NHS: variants seen among roughly 807,000 people sequenced by gnomAD.
The protein encoded by NHS is actin remodeling regulator NHS.
A neutral mutation model predicts 72.5 loss-of-function variants in NHS; 5 were observed. The ratio of observed to expected loss-of-function variants is 0.07; its 90% confidence interval spans 0.04 to 0.14. The LOEUF (loss-of-function observed/expected upper bound fraction) is 0.14. Among genes scored for constraint, NHS ranks in the 10% least tolerant of loss-of-function variants. The pLI is 1.00. For missense variants in NHS, 1,072 were observed against 1,355.7 expected (o/e 0.79, Z 3.29); for synonymous variants, 464 against 547.7 (o/e 0.85, Z 2.13).
rs183720911 is a variant in NHS, at chrX:17,692,288, G to A, written c.719-47G>A. Reference sequence around the variant, plus strand: ...CACTCCCAAGGGGAAAAGAGAAATTGAAAATGCCAAGTGTATTTCAGTATT... The same window carrying A: ...CACTCCCAAGGGGAAAAGAGAAATTAAAAATGCCAAGTGTATTTCAGTATT... On this transcript the variant is annotated intron_variant, in intron 2 of 8. Transcript: ENST00000676302. The A allele has an allele frequency of 1.2e-4, 145 of 1,179,064 alleles. No individual in the cohort carries two copies. In the African/African-American group the frequency reaches 2.2e-3, roughly 18 times the overall value.
At chrX:17,522,126 C>T (rs773189764) in intron 1 of NHS, among the ~76,000 whole-genome samples, 1 of 112,522 alleles carries the variant, frequency 8.9e-6, no homozygotes, top group South Asian at 3.7e-4. Flanking sequence ...ACAGCCATGT[C>T]CAGCTACAAG....
chrX:17,693,788 C>T (rs2066211450), intron 3 of NHS, among the ~76,000 whole-genome samples: 1 of 112,928 alleles, frequency 8.9e-6, no homozygotes, highest in Admixed American at 9.3e-5. Context: ...GAAAAGGAGA[C>T]AAGGGCCTCT....
intron 1 of NHS, among the ~76,000 whole-genome samples, chrX:17,596,502 C>T (rs1168454254): frequency 1.8e-5 from 2 of 112,128 alleles, no homozygotes; most frequent in Admixed American, 1.9e-4. Flanking sequence ...TTTTAATCAA[C>T]AGGCAGGAAA....
intron 3 of NHS, among the ~76,000 whole-genome samples, chrX:17,694,962 T>C (rs1408864574): frequency 8.9e-6 from 1 of 112,241 alleles, no homozygotes; most frequent in African/African-American, 3.2e-5. Flanking sequence ...TTTACAAGGT[T>C]GTTAAGGAGG....
At chrX:17,444,158 G>A (rs2064768551) in intron 1 of NHS, among the ~76,000 whole-genome samples, 1 of 111,741 alleles carries the variant, frequency 8.9e-6, no homozygotes, top group African/African-American at 3.3e-5. Context: ...AGTACAAAGG[G>A]GACATGGATC....
chrX:17,505,366 G>A (rs1175438472), intron 1 of NHS, among the ~76,000 whole-genome samples: 1 of 111,401 alleles, frequency 9.0e-6, no homozygotes, highest in Non-Finnish European at 1.9e-5. Context: ...TCTAACTGGA[G>A]AAAAGTTTGC....
intron 1 of NHS, chrX:17,552,260 G>GAAAT (rs1162341428): frequency 1.8e-5 from 2 of 112,440 alleles, no homozygotes. Flanking sequence ...CCATCTGCTG[G>GAAAT]GAATAGTATT....
At chrX:17,433,116 C>T (rs1359153861) in intron 1 of NHS, among the ~76,000 whole-genome samples, 3 of 108,846 alleles carry the variant, frequency 2.8e-5, no homozygotes, top group Admixed American at 1.9e-4. Flanking sequence ...TGCAAGCTCT[C>T]CCTCCCAGGT....
intron 1 of NHS, among the ~76,000 whole-genome samples, chrX:17,397,490 A>G (rs1198168818): frequency 9.0e-6 from 1 of 111,364 alleles, no homozygotes; most frequent in Non-Finnish European, 1.9e-5. Context: ...GGGAAAGAGT[A>G]TGGAGAGAGA....
chrX:17,418,507 G>A (rs1440378001), intron 1 of NHS, among the ~76,000 whole-genome samples: 3 of 111,938 alleles, frequency 2.7e-5, no homozygotes, highest in Non-Finnish European at 5.6e-5. Context: ...AAACAGGATA[G>A]TTTCTTTCTC....
intron 1 of NHS, among the ~76,000 whole-genome samples, chrX:17,668,270 CCCACACACAAAA>C (rs1375415094): frequency 3.6e-5 from 4 of 109,728 alleles, no homozygotes; most frequent in African/African-American, 1.0e-4. Context: ...CACACACACA[CCCACACACAAAA>C]GTACAGTTAA....
chrX:17,712,253 G>GTGTATATATATATA (rs1465304467), intron 3 of NHS, among the ~76,000 whole-genome samples: 1 of 50,151 alleles, frequency 2.0e-5, no homozygotes, highest in African/African-American at 6.7e-5. Flanking sequence ...TTGTGTGTGT[G>GTGTATATATATATA]TATATATATA....
chrX:17,582,045 C>T (rs921933967), intron 1 of NHS, among the ~76,000 whole-genome samples: 6 of 111,749 alleles, frequency 5.4e-5, no homozygotes, highest in East Asian at 5.6e-4. Context: ...GAGCTGGTCC[C>T]GTCCGGCCAT....
At chrX:17,537,071 C>G (rs181041156) in intron 1 of NHS, among the ~76,000 whole-genome samples, 3 of 112,289 alleles carry the variant, frequency 2.7e-5, no homozygotes, top group Non-Finnish European at 3.8e-5. Context: ...AGCAAAGACT[C>G]TTGTCATGTC....
chrX:17,554,409 G>T (rs754953451), intron 1 of NHS, among the ~76,000 whole-genome samples: 1 of 105,740 alleles, frequency 9.5e-6, no homozygotes, highest in Non-Finnish European at 1.9e-5. Flanking sequence ...AGAGCTGGAG[G>T]GGGGACACGG....
rs564227502 is a variant in NHS at position 17,608,313 on chromosome X, C to T, written c.566-79429C>T. Among the ~76,000 whole-genome samples the T allele has an allele frequency of 3.6e-5, 4 of 111,952 alleles. No individual in the cohort carries two copies. The South Asian group carries it at 1.5e-3, about 42-fold the overall frequency. On this transcript the variant is annotated intron_variant, in intron 1 of 8. Transcript: ENST00000676302. ...TCAAATGTGCATTGATGGATTAAAA[C>T]TTAAATCCACGAACATGGGCCGCAA...
chrX:17,657,674 G>A (rs1303890885), intron 1 of NHS, among the ~76,000 whole-genome samples: 1 of 112,923 alleles, frequency 8.9e-6, no homozygotes, highest in Non-Finnish European at 1.9e-5. Flanking sequence ...CAAAGCCACT[G>A]GGCTGCAAGG....
intron 1 of NHS, among the ~76,000 whole-genome samples, chrX:17,424,785 T>G (rs1456628129): frequency 8.9e-6 from 1 of 112,410 alleles, no homozygotes; most frequent in Non-Finnish European, 1.9e-5. Flanking sequence ...ATGCTAAGGA[T>G]AAACCAGATT....
At chrX:17,668,346 C>T (rs2066025633) in intron 1 of NHS, among the ~76,000 whole-genome samples, 1 of 111,520 alleles carries the variant, frequency 9.0e-6, no homozygotes, top group Non-Finnish European at 1.9e-5. Context: ...AGAAAATGAG[C>T]CATCAGAGAA....
Sources: allele counts gnomAD v4.1 joint callset (sites outside exome capture counted in the v4.1 genomes callset), GRCh38; gene constraint gnomAD v4.1.1; transcripts MANE v1.5; gene names NCBI Gene and HGNC (gene_info 2026-07-23, HGNC 2026-07-21).